Variants in NOTO observed in about 807,000 individuals in gnomAD.
NOTO encodes notochord homeobox.
NOTO carries 19 observed loss-of-function variants against 20.5 expected under a neutral mutation model. That is an observed-to-expected ratio of 0.93 (90% CI 0.65 to 1.36). The LOEUF is 1.36. NOTO is among the 40% of genes most tolerant of loss of function. The probability of loss-of-function intolerance (pLI) is 0.00; values close to 1 mark genes in which losing one functional copy is unlikely to be tolerated. For synonymous variants in NOTO, 150 were observed against 150.2 expected, an observed-to-expected ratio of 1.00 and a Z score of 0.01; for missense variants, 369 against 336.2, an observed-to-expected ratio of 1.10 and a Z score of -0.76.
chr2:73,210,949 A>G lies in NOTO; in HGVS notation c.*20A>G, dbSNP rs1482925430. 3 of 1,541,820 alleles carry G rather than the reference A, an allele frequency of 1.9e-6. No homozygotes were observed. The highest frequency in any genetic ancestry group is 4.0e-5 in the Admixed American group (2 of 50,538). ...GGCTGAAGACTGGGACAGAGGCCCTAGCCAGGCTGCCTGGACTAGTTCCTC... is the reference window on the plus strand; with the variant it reads ...GGCTGAAGACTGGGACAGAGGCCCTGGCCAGGCTGCCTGGACTAGTTCCTC... On this transcript the variant is annotated 3_prime_UTR_variant, in exon 3 of 3. Coordinates refer to ENST00000398468, the MANE Select transcript of NOTO (RefSeq NM_001134462.2).
In NOTO at chr2:73,210,769, A is replaced by G; in HGVS notation, c.598-2A>G. 2 of 1,548,040 alleles carry G rather than the reference A, an allele frequency of 1.3e-6. No individual in the cohort carries two copies. Among genetic ancestry groups the G allele is most frequent in the Non-Finnish European group, 1.7e-6 (2 of 1,144,776 alleles). On this transcript the variant is annotated splice_acceptor_variant, in intron 2 of 2. Coordinates refer to ENST00000398468, the MANE Select transcript of NOTO (RefSeq NM_001134462.2). LOFTEE classifies it high-confidence loss of function. Reference sequence around the variant, plus strand: ...TGATCTCTGCCCACTCTCCAATTATAGGTGAGAGTCTGGTTCCAGAACCGC... The same window carrying G: ...TGATCTCTGCCCACTCTCCAATTATGGGTGAGAGTCTGGTTCCAGAACCGC...
At chr2:73,209,122 C>T (rs1686130790) in intron 2 of NOTO, among the ~76,000 whole-genome samples, 1 of 141,332 alleles carries the variant, frequency 7.1e-6, no homozygotes, top group South Asian at 2.2e-4. Flanking sequence ...TTGCAGTGAG[C>T]GGAGATCACG....
intron 2 of NOTO, among the ~76,000 whole-genome samples, chr2:73,209,186 A>C (rs1686131980): frequency 6.6e-6 from 1 of 151,958 alleles, no homozygotes; most frequent in South Asian, 2.1e-4. Context: ...AAAAAAAAAA[A>C]AAAAAAGAAG....
rs10208619 is a variant in NOTO at position 73,211,605 on chromosome 2, G to A, written c.*676G>A. The A allele has an allele frequency of 9.4e-3, 1,433 of 152,442 alleles. 17 individuals are homozygous for A. The highest frequency in any genetic ancestry group is 0.031 in the African/African-American group (1,284 of 41,562). 9.4% of individuals were successfully genotyped at this position (152,442 alleles called of 1,614,324 possible). A position where few individuals can be genotyped will look rare whatever the true frequency, so the allele number is the denominator to read the frequency against. On this transcript the variant is annotated 3_prime_UTR_variant, in exon 3 of 3. Transcript: ENST00000398468. ...CTGCCTCAGCCTCCCGAGCAGCTGG[G>A]ACTATAGGCGCATGCCACCATGCCT... is the stretch of plus-strand genomic sequence containing the variant.
rs1686121502 is a variant in NOTO, at chr2:73,208,565, G to A, written c.548G>A (p.Gly183Glu). 3 of 1,551,570 alleles carry A rather than the reference G, an allele frequency of 1.9e-6. No individual in the cohort carries two copies. Among genetic ancestry groups the A allele is most frequent in the African/African-American group, 1.4e-5 (1 of 73,156 alleles). Residue 183 changes from glycine to glutamate, a missense_variant, in exon 2 of 3, where the codon GGG (glycine) becomes GAG (glutamate). Physicochemically the swap from Gly to Glu is moderately conservative, Grantham distance 98. Coordinates refer to ENST00000398468, the MANE Select transcript of NOTO (RefSeq NM_001134462.2). ...KVFAKQHNLVGKKRAQLAARL... is the reference protein window; with the variant it reads ...KVFAKQHNLVEKKRAQLAARL... ...TTTGCAAAACAGCACAATCTGGTGG[G>A]GAAGAAGAGAGCCCAGCTGGCAGCT...
intron 1 of NOTO, among the ~76,000 whole-genome samples, chr2:73,207,494 C>T (rs1434816726): frequency 6.6e-6 from 1 of 152,202 alleles, no homozygotes; most frequent in Non-Finnish European, 1.5e-5. Flanking sequence ...TCCACTGGCC[C>T]ACAGCTTGGT....
At chr2:73,203,159 C>G in intron 1 of NOTO, 111 bp downstream of exon 1, 1 of 985,688 alleles carries the variant, frequency 1.0e-6, no homozygotes, top group Non-Finnish European at 1.4e-6. Flanking sequence ...GAGAATCACA[C>G]ACGGCTGGAG....
chr2:73,208,355 T>C, intron 1 of NOTO, 45 bp from the exon 2 acceptor site: 1 of 1,374,126 alleles, frequency 7.3e-7, no homozygotes, highest in Non-Finnish European at 1.0e-6. Context: ...CTGGCTAACC[T>C]CCCCTGCTGC....
In NOTO at chr2:73,208,496, G is replaced by C. The variant is rs781228218; in HGVS notation, c.479G>C (p.Arg160Pro). 48 of 1,551,464 alleles carry C rather than the reference G, an allele frequency of 3.1e-5. No individual in the cohort carries two copies. In the South Asian group the frequency reaches 5.6e-4, roughly 18 times the overall value. Residue 160 changes from arginine (R) to proline (P), a missense_variant, in exon 2 of 3, where the codon CGA becomes CCA. Coordinates refer to ENST00000398468, the MANE Select transcript of NOTO (RefSeq NM_001134462.2). ...ACTGAGAGACAGCAAAAGAGAGTCC[G>C]AACTATGTTTAACTTGGAGCAGCTG... Reference protein sequence around the residue: ...QDTERQQKRVRTMFNLEQLEE... With the variant: ...QDTERQQKRVPTMFNLEQLEE...
At chr2:73,206,324 T>A (rs1472233841) in intron 1 of NOTO, among the ~76,000 whole-genome samples, 2 of 152,188 alleles carry the variant, frequency 1.3e-5, no homozygotes, top group Non-Finnish European at 2.9e-5. Context: ...CCTGTAAGCA[T>A]CATATGCTTT....
chr2:73,210,837 A>T lies in NOTO; in HGVS notation c.664A>T (p.Thr222Ser), dbSNP rs1318144330. ...QKQQKLRAAV[T>S]SAEAASLDEP... is the part of the protein sequence containing the mutation. The stretch of plus-strand genomic sequence containing the variant: ...GCAGCAAAAGCTGAGGGCAGCAGTT[A>T]CATCTGCCGAGGCTGCCTCCCTGGA... Residue 222 changes from threonine (T) to serine (S), a missense_variant, in exon 3 of 3, where the codon ACA becomes TCA. Thr to Ser is a moderately conservative substitution (Grantham distance 58). Transcript: ENST00000398468. 1.9e-6 allele frequency: 3 copies of T among 1,551,648 alleles called. No homozygotes were observed. The East Asian group carries it at 7.3e-5, about 38-fold the overall frequency.
In NOTO at chr2:73,211,160, G is replaced by A. The variant is rs540575089; in HGVS notation, c.*231G>A. On this transcript the variant is annotated 3_prime_UTR_variant, in exon 3 of 3. Coordinates refer to ENST00000398468, the MANE Select transcript of NOTO (RefSeq NM_001134462.2). ...TCCTTGGCCAACCTATGGAACTTCC[G>A]AGCCTTTTTTCTTTATCTGTATAAT... 3.3e-4 allele frequency: 161 copies of A among 488,834 alleles called. 1 individual carries two copies. The South Asian group carries it at 4.0e-3, about 12-fold the overall frequency. The allele number at this position is 488,834 out of a possible 1,614,324, so 30.3% of individuals were successfully genotyped here.
Position 73,202,735 on chromosome 2 carries a change from C to T in NOTO, c.69C>T (p.Arg23=). The change falls in exon 1 of 3, where the codon CGC becomes CGT. Residue 23 remains arginine, a synonymous_variant. Transcript: ENST00000398468. The part of the protein sequence containing the change: ...APSGSRVRPP[R]SGRSPAPRSP... ...CGGGCTCTCGGGTCCGACCTCCGCGCTCTGGCCGCTCTCCGGCGCCCAGGT... is the reference window on the plus strand; with the variant it reads ...CGGGCTCTCGGGTCCGACCTCCGCGTTCTGGCCGCTCTCCGGCGCCCAGGT... 6.6e-7 allele frequency: 1 copy of T among 1,519,828 alleles called. No individual in the cohort carries two copies. Among genetic ancestry groups the T allele is most frequent in the Non-Finnish European group, 8.8e-7 (1 of 1,139,802 alleles). 94.1% of individuals were successfully genotyped at this position (1,519,828 alleles called of 1,614,324 possible).
intron 2 of NOTO, 23 bp downstream of exon 2, chr2:73,208,637 G>A (rs1686124773): frequency 1.4e-6 from 2 of 1,474,342 alleles, no homozygotes; most frequent in East Asian, 4.9e-5. Context: ...ACTCCTATTG[G>A]GCCTGGGCTG....
At chr2:73,208,368 G>A (rs1558547981) in intron 1 of NOTO, 32 bp from the exon 2 acceptor site, 1 of 1,492,982 alleles carries the variant, frequency 6.7e-7, no homozygotes, top group African/African-American at 1.4e-5. Flanking sequence ...CCTGCTGCTG[G>A]ATAACCTCCC....
chr2:73,209,016 C>T (rs899365869), intron 2 of NOTO, among the ~76,000 whole-genome samples: 1 of 151,814 alleles, frequency 6.6e-6, no homozygotes, highest in African/African-American at 2.4e-5. Flanking sequence ...GAAACCCTGT[C>T]TCTACTAAAA....
chr2:73,208,165 G>T (rs549362492), intron 1 of NOTO, among the ~76,000 whole-genome samples: 2 of 152,374 alleles, frequency 1.3e-5, no homozygotes, highest in African/African-American at 4.8e-5. Context: ...CTTGGCTAGA[G>T]AGTAGTGGTG....
rs1482898874 is a variant in NOTO at position 73,208,622 on chromosome 2, T to C, written c.597+8T>C. The C allele has an allele frequency of 4.6e-6, 7 of 1,531,354 alleles. 1 individual carries two copies. The Admixed American group carries it at 5.9e-5, about 13-fold the overall frequency. The allele number at this position is 1,531,354 out of a possible 1,614,324, so 94.9% of individuals were successfully genotyped here. On this transcript the variant is annotated splice_region_variant and intron_variant, in intron 2 of 2. Coordinates refer to ENST00000398468, the MANE Select transcript of NOTO (RefSeq NM_001134462.2). The stretch of plus-strand genomic sequence containing the variant: ...AAACTTACAGAGAACCAGGTGGGAG[T>C]AGGGACTCCTATTGGGCCTGGGCTG...
At chr2:73,210,409 C>T (rs1162610029) in intron 2 of NOTO, among the ~76,000 whole-genome samples, 2 of 152,234 alleles carry the variant, frequency 1.3e-5, no homozygotes, top group Non-Finnish European at 2.9e-5. Context: ...GGGAGGCCTC[C>T]TCTGCCCAAA....
Sources: gnomAD v4.1 joint callset for allele counts (sites outside exome capture counted in the v4.1 genomes callset) on GRCh38, gnomAD v4.1.1 for gene constraint, MANE v1.5 for transcripts, NCBI Gene and HGNC (gene_info 2026-07-23, HGNC 2026-07-21) for gene names.